The following LPP variants were observed in gnomAD, a reference collection of about 807,000 sequenced individuals.
The protein encoded by LPP is lipoma-preferred partner.
A neutral mutation model predicts 60.4 loss-of-function variants in LPP; 38 were observed. The observed-to-expected ratio is 0.63, with a 90% confidence interval of 0.49 to 0.83. LPP has a LOEUF of 0.83. Among genes scored for constraint, LPP ranks in the 40% least tolerant of loss-of-function variants. LPP has a pLI of 0.00. For missense variants in LPP, 902 were observed against 783.6 expected (o/e 1.15, Z -1.80); for synonymous variants, 328 against 290.8 (o/e 1.13, Z -1.30).
At chr3:188,282,612 C>T (rs973067468) in intron 2 of LPP, among the ~76,000 whole-genome samples, 1 of 152,156 alleles carries the variant, frequency 6.6e-6, no homozygotes, top group Non-Finnish European at 1.5e-5. Context: ...GGACCCTACA[C>T]TCATGATTTC....
At chr3:188,410,845 C>T (rs1784729060) in intron 4 of LPP, among the ~76,000 whole-genome samples, 2 of 152,068 alleles carry the variant, frequency 1.3e-5, no homozygotes, top group Admixed American at 6.5e-5. Flanking sequence ...GCCCATTGCC[C>T]GAGCAGTGTA....
chr3:188,708,729 G>A (rs779580247), intron 8 of LPP: 3 of 391,524 alleles, frequency 7.7e-6, no homozygotes, highest in Non-Finnish European at 9.3e-6. Context: ...GTGGTGGCAT[G>A]TGCCTGCAGT....
At chr3:188,741,626 G>T (rs1305951910) in intron 8 of LPP, among the ~76,000 whole-genome samples, 2 of 149,412 alleles carry the variant, frequency 1.3e-5, no homozygotes, top group Non-Finnish European at 3.0e-5. Flanking sequence ...TAAAGGCCTT[G>T]CACATATTAT....
chr3:188,428,982 C>T (rs576561296), intron 4 of LPP, among the ~76,000 whole-genome samples: 1 of 152,134 alleles, frequency 6.6e-6, no homozygotes, highest in Non-Finnish European at 1.5e-5. Context: ...CTGTTCTTCA[C>T]TTTTGAGTTA....
In LPP at chr3:188,414,244, T is replaced by C. The variant is rs370879297; in HGVS notation, c.193+7931T>C. Among the ~76,000 whole-genome samples, 73 of 152,256 alleles carry C rather than the reference T, an allele frequency of 4.8e-4. No individual in the cohort carries two copies. In the East Asian group the frequency reaches 7.9e-3, roughly 16 times the overall value. ...TTCAAAATTATAAAAAATACTTTAATATAGGTTAAGTAACTCTAATCCAAA... is the reference window on the plus strand; with the variant it reads ...TTCAAAATTATAAAAAATACTTTAACATAGGTTAAGTAACTCTAATCCAAA... On this transcript the variant is annotated intron_variant, in intron 4 of 11. Coordinates refer to ENST00000617246, the MANE Select transcript of LPP (RefSeq NM_001375462.1).
chr3:188,321,051 C>T (rs577082193), intron 2 of LPP, among the ~76,000 whole-genome samples: 1 of 152,356 alleles, frequency 6.6e-6, no homozygotes, highest in Non-Finnish European at 1.5e-5. Flanking sequence ...TTTGCCATCA[C>T]AGTGTCCTGC....
At chr3:188,419,718 C>T (rs968575262) in intron 4 of LPP, among the ~76,000 whole-genome samples, 2 of 152,008 alleles carry the variant, frequency 1.3e-5, no homozygotes, top group African/African-American at 4.8e-5. Context: ...GGCAAAACCC[C>T]GACTTTACTA....
chr3:188,422,668 A>G (rs1788110927), intron 4 of LPP, among the ~76,000 whole-genome samples: 1 of 152,174 alleles, frequency 6.6e-6, no homozygotes, highest in Non-Finnish European at 1.5e-5. Context: ...TGTGCAATAT[A>G]GTTATCCCAT....
At position 188,609,296 on chromosome 3, in the gene LPP, G is replaced by A. The variant is rs1464159795; in HGVS notation, c.565G>A (p.Gly189Arg). 1 of 1,614,058 alleles carries A rather than the reference G, an allele frequency of 6.2e-7. No homozygotes were observed. Among genetic ancestry groups the A allele is most frequent in the East Asian group, 2.2e-5 (1 of 44,860 alleles). The change falls in exon 7 of 12, where the codon GGA becomes AGA. Residue 189 changes from glycine to arginine, a missense_variant. Gly to Arg is a moderately radical substitution (Grantham distance 125). Coordinates refer to ENST00000617246, the MANE Select transcript of LPP (RefSeq NM_001375462.1). The surrounding 1 kb of genome is among the most constrained non-coding windows in gnomAD (Gnocchi z 6.9). Reference protein sequence around the residue: ...TLKPQPAPQAGPIPVAPIGTL... With the variant: ...TLKPQPAPQARPIPVAPIGTL... Reference sequence around the variant, plus strand: ...GAAACCACAGCCTGCACCCCAGGCTGGACCCATCCCTGTGGCTCCAATCGG... The same window carrying A: ...GAAACCACAGCCTGCACCCCAGGCTAGACCCATCCCTGTGGCTCCAATCGG...
At chr3:188,513,761 C>T (rs1431742230) in intron 5 of LPP, among the ~76,000 whole-genome samples, 1 of 152,106 alleles carries the variant, frequency 6.6e-6, no homozygotes, top group Admixed American at 6.5e-5. Context: ...GAACAGTGAA[C>T]AGTGAGGCTA....
intron 2 of LPP, among the ~76,000 whole-genome samples, chr3:188,335,157 A>T (rs916692265): frequency 3.4e-4 from 51 of 152,174 alleles, no homozygotes; most frequent in Non-Finnish European, 5.7e-4. Context: ...CAGTATGTTG[A>T]TGACTGTGGG....
At chr3:188,353,292 C>T (rs1766499679) in intron 3 of LPP, among the ~76,000 whole-genome samples, 2 of 152,120 alleles carry the variant, frequency 1.3e-5, no homozygotes, top group Admixed American at 6.5e-5. Context: ...GATGAGCATC[C>T]AGTAAGTTTT....
At chr3:188,521,929 GT>G (rs1818983009) in intron 5 of LPP, among the ~76,000 whole-genome samples, 1 of 152,180 alleles carries the variant, frequency 6.6e-6, no homozygotes, top group African/African-American at 2.4e-5. Context: ...ACTTTACTCA[GT>G]TTTTAGTTGC....
At chr3:188,826,716 C>G (rs1023112548) in intron 9 of LPP, among the ~76,000 whole-genome samples, 1 of 152,102 alleles carries the variant, frequency 6.6e-6, no homozygotes, top group Non-Finnish European at 1.5e-5. Flanking sequence ...TCAAATACCT[C>G]TGCCTCAAAA....
intron 7 of LPP, among the ~76,000 whole-genome samples, chr3:188,661,376 G>A (rs535724011): frequency 5.1e-4 from 77 of 152,272 alleles, no homozygotes; most frequent in Admixed American, 3.1e-3. Context: ...TTGCCGGATC[G>A]TATGGTAAGA....
intron 7 of LPP, among the ~76,000 whole-genome samples, chr3:188,622,259 T>C (rs991427737): frequency 7.9e-5 from 12 of 152,244 alleles, no homozygotes; most frequent in African/African-American, 2.9e-4. Flanking sequence ...CACTTTCCTC[T>C]TTCTCCCCTT....
At chr3:188,190,817 A>C (rs78959937) in intron 1 of LPP, among the ~76,000 whole-genome samples, 1,900 of 152,352 alleles carry the variant, frequency 0.012, 17 homozygotes, top group Non-Finnish European at 0.018. Flanking sequence ...CCAACTGTGA[A>C]AGTTGAGCAA....
intron 7 of LPP, among the ~76,000 whole-genome samples, chr3:188,644,071 A>T (rs554672649): frequency 1.3e-5 from 2 of 152,126 alleles, no homozygotes; most frequent in South Asian, 4.1e-4. Flanking sequence ...TAAGAATCTC[A>T]TGATCATCAT....
intron 6 of LPP, among the ~76,000 whole-genome samples, chr3:188,539,095 A>G (rs1824434890): frequency 6.6e-6 from 1 of 152,204 alleles, no homozygotes; most frequent in Non-Finnish European, 1.5e-5. Context: ...TTTGCTGCAC[A>G]ATTCTTTGAA....
Sources: allele counts gnomAD v4.1 joint callset (sites outside exome capture counted in the v4.1 genomes callset), GRCh38; gene constraint gnomAD v4.1.1; non-coding constraint Gnocchi (gnomAD v3.1); transcripts MANE v1.5; gene names NCBI Gene and HGNC (gene_info 2026-07-23, HGNC 2026-07-21).